The following COL5A3 variants were observed in gnomAD, a reference collection of about 807,000 sequenced individuals.
COL5A3 encodes collagen alpha-3(V) chain.
A neutral mutation model predicts 250.0 loss-of-function variants in COL5A3; 172 were observed. The ratio of observed to expected loss-of-function variants is 0.69; its 90% CI spans 0.61 to 0.78. COL5A3 has a LOEUF of 0.78. Ranked by LOEUF, COL5A3 falls within the 30% of genes least tolerant of loss-of-function variation. The pLI is 0.00. For synonymous variants in COL5A3, 937 were observed against 900.4 expected (o/e 1.04, Z -0.73); for missense variants, 2,340 against 2,334.4 (o/e 1.00, Z -0.05).
In COL5A3 at chr19:9,996,270, G is replaced by C; in HGVS notation, c.1423-8C>G. The C allele has an allele frequency of 6.4e-7, 1 of 1,564,388 alleles. No individual in the cohort carries two copies. Among genetic ancestry groups the C allele is most frequent in the South Asian group, 1.2e-5 (1 of 83,162 alleles). On this transcript the variant is annotated splice_polypyrimidine_tract_variant and splice_region_variant and intron_variant, in intron 13 of 66. Transcript: ENST00000264828. ...GGGGCCTTTCATAGAGAGCTGGAAA[G>C]ACAGAGGAGTCAGAGCTTGGGGCCT...
intron 45 of COL5A3, among the ~76,000 whole-genome samples, chr19:9,975,134 G>C (rs1231398773): frequency 2.0e-5 from 3 of 151,580 alleles, no homozygotes; most frequent in Non-Finnish European, 4.4e-5. Flanking sequence ...GAGTGCAGTG[G>C]TGCTATCTTG....
chr19:9,988,271 T>C (rs746058253), intron 27 of COL5A3, among the ~76,000 whole-genome samples: 5 of 152,122 alleles, frequency 3.3e-5, no homozygotes, highest in African/African-American at 4.8e-5. Flanking sequence ...AATGTAATTA[T>C]GCTTGGCTAC....
chr19:9,995,860 T>C (rs1279227231), intron 15 of COL5A3: 1 of 592,888 alleles, frequency 1.7e-6, no homozygotes, highest in Non-Finnish European at 2.9e-6. Flanking sequence ...CCCAGACTGG[T>C]CTTGAACTCC....
chr19:9,966,870 T>C, intron 62 of COL5A3, 124 bp from the exon 63 acceptor site: 2 of 687,438 alleles, frequency 2.9e-6, no homozygotes, highest in South Asian at 1.9e-5. Flanking sequence ...GGGAGAGAGA[T>C]AAACAAGGGG....
chr19:9,996,350 C>A, intron 13 of COL5A3, 83 bp downstream of exon 13: 1 of 1,557,190 alleles, frequency 6.4e-7, no homozygotes, highest in Non-Finnish European at 8.7e-7. Context: ...AAAATAACCC[C>A]CTTCTCCTGC....
chr19:9,967,644 T>C, intron 61 of COL5A3: 1 of 558,684 alleles, frequency 1.8e-6, no homozygotes, highest in Non-Finnish European at 3.1e-6. Context: ...TGAAATCAGC[T>C]TCTTAACATC....
intron 51 of COL5A3, among the ~76,000 whole-genome samples, chr19:9,972,044 C>T (rs943815144): frequency 1.1e-4 from 17 of 152,314 alleles, no homozygotes; most frequent in African/African-American, 3.1e-4. Flanking sequence ...TGTTCACTTG[C>T]GCCTCTGTCC....
chr19:10,004,157 G>A lies in COL5A3; in HGVS notation c.595-12C>T, dbSNP rs2087405373. On this transcript the variant is annotated splice_polypyrimidine_tract_variant and intron_variant, in intron 4 of 66. Coordinates refer to ENST00000264828, the MANE Select transcript of COL5A3 (RefSeq NM_015719.4). ...TCCTGAATGTCTCCCTGGGGGTTGGGGGTGTAGGAGTCAAGGAGGGCAGCC... is the reference window on the plus strand; with the variant it reads ...TCCTGAATGTCTCCCTGGGGGTTGGAGGTGTAGGAGTCAAGGAGGGCAGCC... The A allele has an allele frequency of 6.2e-7, 1 of 1,602,596 alleles. No homozygotes were observed. The highest frequency in any genetic ancestry group is 1.1e-5 in the South Asian group (1 of 90,864).
intron 9 of COL5A3, 28 bp downstream of exon 9, chr19:9,998,074 C>T (rs1175815722): frequency 1.2e-6 from 2 of 1,614,004 alleles, no homozygotes; most frequent in Non-Finnish European, 1.7e-6. Context: ...TGAAGCCTCT[C>T]AACCCCCTCA....
chr19:9,973,116 G>T, intron 50 of COL5A3, 90 bp from the exon 51 acceptor site: 1 of 1,227,284 alleles, frequency 8.1e-7, no homozygotes, highest in Non-Finnish European at 1.1e-6. Flanking sequence ...GGGGTGGTCT[G>T]GGACTTTTCT....
At chr19:9,981,050 A>C (rs376914961) in intron 33 of COL5A3, 38 bp downstream of exon 33, 273 of 1,607,226 alleles carry the variant, frequency 1.7e-4, no homozygotes, top group Non-Finnish European at 2.3e-4. Context: ...CCTGTCCCCA[A>C]GTCCCAGCAG....
At chr19:9,974,055 T>A (rs529912851) in intron 47 of COL5A3, 83 bp from the exon 48 acceptor site, 1 of 1,518,266 alleles carries the variant, frequency 6.6e-7, no homozygotes, top group African/African-American at 1.4e-5. Context: ...CCACTGTCAA[T>A]GCTGGTGACC....
At chr19:9,966,860 G>T in intron 62 of COL5A3, 114 bp from the exon 63 acceptor site, 1 of 785,816 alleles carries the variant, frequency 1.3e-6, no homozygotes, top group African/African-American at 1.7e-5. Context: ...AGAAAGAGGA[G>T]GGAGAGAGAT....
chr19:10,007,919 T>C (rs1430158768), intron 1 of COL5A3, among the ~76,000 whole-genome samples: 1 of 149,728 alleles, frequency 6.7e-6, no homozygotes, highest in Non-Finnish European at 1.5e-5. Flanking sequence ...CCAAGTCTCT[T>C]TCTCTCTCTC....
chr19:9,980,140 T>G (rs758947786), intron 35 of COL5A3, 93 bp from the exon 36 acceptor site: 5 of 1,233,020 alleles, frequency 4.1e-6, no homozygotes, highest in Non-Finnish European at 5.6e-6. Flanking sequence ...GAGCACATAT[T>G]GAGTGCTTAC....
chr19:9,977,646 C>G lies in COL5A3; in HGVS notation c.3074G>C (p.Gly1025Ala), dbSNP rs1369235893. Residue 1025 changes from glycine (G) to alanine (A), a missense_variant, in exon 42 of 67, where the codon GGC becomes GCC. This residue lies in a region of COL5A3 where 1,179 missense variants were observed against 1,162.6 expected (regional missense o/e 1.01). Transcript: ENST00000264828. ...LGPAGGIGLPGQSGSEGPVGP... is the reference protein window; with the variant it reads ...LGPAGGIGLPAQSGSEGPVGP... ...AACGGGGCCTTCGCTGCCACTTTGG[C>G]CAGGAAGTCCAATGCCTCCTGCTGG... The G allele has an allele frequency of 6.2e-7, 1 of 1,608,198 alleles. No individual in the cohort carries two copies. Among genetic ancestry groups the G allele is most frequent in the Non-Finnish European group, 8.5e-7 (1 of 1,177,112 alleles).
intron 51 of COL5A3, among the ~76,000 whole-genome samples, chr19:9,972,044 C>A (rs943815144): frequency 3.3e-5 from 5 of 152,198 alleles, no homozygotes; most frequent in Non-Finnish European, 7.3e-5. Context: ...TGTTCACTTG[C>A]GCCTCTGTCC....
chr19:9,972,878 G>T, intron 51 of COL5A3, 41 bp downstream of exon 51: 2 of 1,417,468 alleles, frequency 1.4e-6, no homozygotes, highest in Non-Finnish European at 1.9e-6. Context: ...ACATTCAAGT[G>T]CCCCCTCCCA....
At chr19:9,994,297 G>A (rs763019745) in intron 16 of COL5A3, among the ~76,000 whole-genome samples, 1 of 151,184 alleles carries the variant, frequency 6.6e-6, no homozygotes, top group Non-Finnish European at 1.5e-5. Flanking sequence ...TCCCACCTCA[G>A]CCTCCCAAGT....
Sources: gnomAD v4.1 joint callset for allele counts (sites outside exome capture counted in the v4.1 genomes callset) on GRCh38, gnomAD v4.1.1 for gene constraint, gnomAD v4.1.1 regional missense constraint, MANE v1.5 for transcripts, NCBI Gene and HGNC (gene_info 2026-07-23, HGNC 2026-07-21) for gene names.